The following VWF variants were observed in gnomAD, a reference collection of about 807,000 sequenced individuals.
VWF encodes Factor VIII related antigen.
A neutral mutation model predicts 308.6 loss-of-function variants in VWF; 176 were observed. The ratio of observed to expected loss-of-function variants is 0.57; its 90% CI spans 0.50 to 0.65. The LOEUF (loss-of-function observed/expected upper bound fraction) is 0.65. Among genes scored for constraint, VWF ranks in the 30% least tolerant of loss-of-function variants. VWF has a pLI of 0.00. For synonymous variants in VWF, 1,385 were observed against 1,443.4 expected (o/e 0.96, Z 0.92); for missense variants, 3,146 against 3,648.2 (o/e 0.86, Z 3.55).
intron 39 of VWF, among the ~76,000 whole-genome samples, chr12:5,985,350 G>A (rs770252023): frequency 9.9e-5 from 15 of 152,210 alleles, no homozygotes; most frequent in Non-Finnish European, 1.8e-4. Flanking sequence ...GACCAGAGGC[G>A]AGGGTTAATC....
intron 18 of VWF, among the ~76,000 whole-genome samples, chr12:6,040,227 T>C (rs900402052): frequency 1.3e-5 from 2 of 152,144 alleles, no homozygotes; most frequent in Non-Finnish European, 2.9e-5. Flanking sequence ...GGTAATATTC[T>C]AACTTAAAGA....
Position 5,971,598 on chromosome 12 carries a change from C to G in VWF, c.7548+1G>C, listed in dbSNP as rs747482652. The G allele has an allele frequency of 6.2e-7, 1 of 1,613,712 alleles. No individual in the cohort carries two copies. The highest frequency in any genetic ancestry group is 8.5e-7 in the Non-Finnish European group (1 of 1,179,636). The stretch of plus-strand genomic sequence containing the variant: ...TCCCCGTCCCGGGGGCCTGGACCTA[C>G]ACTCTTCCAGGAAGACTGGGAGTCC... On this transcript the variant is annotated splice_donor_variant, in intron 44 of 51. Coordinates refer to ENST00000261405, the MANE Select transcript of VWF (RefSeq NM_000552.5). LOFTEE classifies it high-confidence loss of function.
At chr12:6,048,622 C>A (rs1285849654) in intron 16 of VWF, among the ~76,000 whole-genome samples, 1 of 152,074 alleles carries the variant, frequency 6.6e-6, no homozygotes. Flanking sequence ...ATCACCATGC[C>A]CAGCTAATTT....
At chr12:5,955,972 G>A (rs1943245227) in intron 47 of VWF, among the ~76,000 whole-genome samples, 1 of 152,154 alleles carries the variant, frequency 6.6e-6, no homozygotes, top group South Asian at 2.1e-4. Context: ...GGGAGCCCCA[G>A]GGACCAGTGG....
intron 5 of VWF, among the ~76,000 whole-genome samples, chr12:6,108,065 G>T (rs1038169760): frequency 2.6e-5 from 4 of 151,872 alleles, no homozygotes; most frequent in African/African-American, 9.7e-5. Flanking sequence ...AGGCAGAGGC[G>T]GAGAGATCAC....
Position 6,064,352 on chromosome 12 carries a change from G to A in VWF, c.1326C>T (p.Arg442=). The change falls in exon 12 of 52, where the codon CGC becomes CGT. Residue 442 remains arginine, a synonymous_variant. Coordinates refer to ENST00000261405, the MANE Select transcript of VWF (RefSeq NM_000552.5). Reference sequence around the variant, plus strand: ...GGCCAGGCAGCCGGACGGTGACGGAGCGGGTGCACACAGCGTCGCGGTCAT... The same window carrying A: ...GGCCAGGCAGCCGGACGGTGACGGAACGGGTGCACACAGCGTCGCGGTCAT... The part of the protein sequence containing the change: ...CADDRDAVCT[R]SVTVRLPGLH... 2 of 1,614,174 alleles carry A rather than the reference G, an allele frequency of 1.2e-6. No homozygotes were observed. Among genetic ancestry groups the A allele is most frequent in the East Asian group, 4.5e-5 (2 of 44,884 alleles).
intron 43 of VWF, 117 bp downstream of exon 43, chr12:5,975,994 C>G: frequency 7.0e-7 from 1 of 1,436,208 alleles, no homozygotes; most frequent in Non-Finnish European, 9.5e-7. Context: ...CCAGCCTGGG[C>G]GACAGAGCGA....
Position 6,064,278 on chromosome 12 carries a change from T to A in VWF, c.1400A>T (p.Asp467Val). The change falls in exon 12 of 52, where the codon GAT (aspartate) becomes GTT (valine). Residue 467 changes from aspartate to valine, a missense_variant. Asp to Val is a radical substitution (Grantham distance 152). Transcript: ENST00000261405. Reference sequence around the variant, plus strand: ...GAGGGGGAGCTGGACGTCCTGGCCATCCATGGCAACTCCTGCCCCATGCTT... The same window carrying A: ...GAGGGGGAGCTGGACGTCCTGGCCAACCATGGCAACTCCTGCCCCATGCTT... ...KLKHGAGVAM[D>V]GQDVQLPLLK... 6.2e-7 allele frequency: 1 copy of A among 1,614,056 alleles called. No homozygotes were observed. Among genetic ancestry groups the A allele is most frequent in the Non-Finnish European group, 8.5e-7 (1 of 1,180,024 alleles).
At chr12:6,108,751 G>C (rs1369265167) in intron 5 of VWF, among the ~76,000 whole-genome samples, 1 of 152,090 alleles carries the variant, frequency 6.6e-6, no homozygotes, top group Non-Finnish European at 1.5e-5. Flanking sequence ...GGAGGCCGAG[G>C]GGGGCAGATC....
intron 21 of VWF, among the ~76,000 whole-genome samples, chr12:6,031,242 T>C (rs1944258074): frequency 6.6e-6 from 1 of 152,206 alleles, no homozygotes; most frequent in African/African-American, 2.4e-5. Flanking sequence ...TAAAATGGGA[T>C]TGTGTCATCC....
intron 18 of VWF, among the ~76,000 whole-genome samples, chr12:6,039,996 G>C (rs1253773748): frequency 6.6e-6 from 1 of 152,152 alleles, no homozygotes; most frequent in Non-Finnish European, 1.5e-5. Context: ...AGAGTCAGGA[G>C]ACCAGAATTT....
chr12:6,092,890 C>T (rs2136497050), intron 6 of VWF, among the ~76,000 whole-genome samples: 1 of 152,050 alleles, frequency 6.6e-6, no homozygotes, highest in South Asian at 2.1e-4. Context: ...AATGCCTCCT[C>T]CCATTATGAA....
chr12:6,014,581 C>T (rs1220532798), intron 31 of VWF, among the ~76,000 whole-genome samples: 1 of 152,146 alleles, frequency 6.6e-6, no homozygotes, highest in East Asian at 1.9e-4. Flanking sequence ...ATCAAGGATG[C>T]TGAGCTTTTT....
chr12:6,016,981 C>A (rs924161942), intron 28 of VWF, 111 bp from the exon 29 acceptor site: 7 of 1,193,532 alleles, frequency 5.9e-6, no homozygotes, highest in Non-Finnish European at 7.4e-6. Context: ...CCACGTGGCA[C>A]CACCAAGGGG....
rs1404446297 is a variant in VWF at position 6,060,088 on chromosome 12, C to A, written c.1534-2044G>T. 6.6e-6 allele frequency among the ~76,000 whole-genome samples: 1 copy of A among 151,978 alleles called. No homozygotes were observed. ...CCTTGGCTTGTCTCGGAGGTCAGCTCGGCCAGGGTTAGGAGAGTGGGGGCG... is the reference window on the plus strand; with the variant it reads ...CCTTGGCTTGTCTCGGAGGTCAGCTAGGCCAGGGTTAGGAGAGTGGGGGCG... On this transcript the variant is annotated intron_variant, in intron 13 of 51. Transcript: ENST00000261405. This position sits in a 1 kb window ranked among gnomAD's most constrained non-coding sequence, Gnocchi z 5.1.
At chr12:6,010,022 C>T (rs1447085448) in intron 34 of VWF, among the ~76,000 whole-genome samples, 3 of 152,114 alleles carry the variant, frequency 2.0e-5, no homozygotes, top group African/African-American at 7.2e-5. Flanking sequence ...GTTTCAGTCA[C>T]ACAAAACAAA....
Position 5,994,593 on chromosome 12 carries a change from C to A in VWF, c.6078G>T (p.Gly2026=). ...CCACGTAAGGAACAGAGACCAGTCT[C>A]CCATTCACCGTCACCTGCACAAAGA... is the stretch of plus-strand genomic sequence containing the variant. ...LHSDMEVTVN[G]RLVSVPYVGG... The change falls in exon 36 of 52, where the codon GGG becomes GGT. Residue 2026 remains glycine, a synonymous_variant. Coordinates refer to ENST00000261405, the MANE Select transcript of VWF (RefSeq NM_000552.5). 2 of 1,613,970 alleles carry A rather than the reference C, an allele frequency of 1.2e-6. No homozygotes were observed. Among genetic ancestry groups the A allele is most frequent in the Non-Finnish European group, 1.7e-6 (2 of 1,179,850 alleles).
rs201496129 is a variant in VWF, at chr12:6,073,684, G to A, written c.932C>T (p.Thr311Ile). Reference protein sequence around the residue: ...YRQCVSPCARTCQSLHINEMC... With the variant: ...YRQCVSPCARICQSLHINEMC... ...TTCATTGATGTGCAGGCTCTGGCAG[G>A]TCCTGGCGCAAGGGGACACACACTG... The change falls in exon 8 of 52, where the codon ACC becomes ATC. Residue 311 changes from threonine (T) to isoleucine (I), a missense_variant. Physicochemically the swap from Thr to Ile is moderately conservative, Grantham distance 89. Transcript: ENST00000261405. 6.2e-6 allele frequency: 10 copies of A among 1,614,082 alleles called. No homozygotes were observed. In the Admixed American group the frequency reaches 1.5e-4, roughly 24 times the overall value.
rs145191287 is a variant in VWF at position 6,013,829 on chromosome 12, A to C, written c.5456-184T>G. ...GAGCTGCTACTCTGTGTCAGGTACTATTGTAAGCAATAGGGGTACAGCAGT... is the reference window on the plus strand; with the variant it reads ...GAGCTGCTACTCTGTGTCAGGTACTCTTGTAAGCAATAGGGGTACAGCAGT... On this transcript the variant is annotated intron_variant, in intron 31 of 51. Transcript: ENST00000261405. Among the ~76,000 whole-genome samples the C allele has an allele frequency of 3.0e-4, 45 of 152,296 alleles. No homozygotes were observed. In the East Asian group the frequency reaches 8.5e-3, roughly 29 times the overall value.
Sources: allele counts gnomAD v4.1 joint callset (sites outside exome capture counted in the v4.1 genomes callset), GRCh38; gene constraint gnomAD v4.1.1; non-coding constraint Gnocchi (gnomAD v3.1); transcripts MANE v1.5; gene names NCBI Gene and HGNC (gene_info 2026-07-23, HGNC 2026-07-21).